Variants in ABCG2 observed in about 807,000 individuals in gnomAD.
The protein encoded by ABCG2 is ATP binding cassette subfamily G member 2 (JR blood group).
In ABCG2, 80 loss-of-function variants were observed where a neutral mutation model predicts 73.5. The ratio of observed to expected loss-of-function variants is 1.09; its 90% confidence interval spans 0.91 to 1.31. The LOEUF (loss-of-function observed/expected upper bound fraction) is 1.31. Ranked by LOEUF, ABCG2 falls within the 50% of genes most tolerant of loss-of-function variation. The probability of loss-of-function intolerance (pLI) is 0.00; values close to 1 mark genes in which losing one functional copy is unlikely to be tolerated. For synonymous variants in ABCG2, 269 were observed against 282.4 expected, an observed-to-expected ratio of 0.95 and a Z score of 0.48; for missense variants, 796 against 786.2, an observed-to-expected ratio of 1.01 and a Z score of -0.15.
At chr4:88,194,174 G>C (rs1728831802) in intron 1 of ABCG2, among the ~76,000 whole-genome samples, 1 of 152,112 alleles carries the variant, frequency 6.6e-6, no homozygotes, top group Non-Finnish European at 1.5e-5. Context: ...TGAAGCCCAG[G>C]GACTGGAGTT....
At chr4:88,128,745 G>A (rs996251572) in intron 5 of ABCG2, among the ~76,000 whole-genome samples, 7 of 152,108 alleles carry the variant, frequency 4.6e-5, no homozygotes, top group African/African-American at 1.4e-4. Flanking sequence ...CACAGGGAGT[G>A]GAACATCACA....
At chr4:88,209,309 C>CAAA (rs60027656) in intron 1 of ABCG2, among the ~76,000 whole-genome samples, 1 of 81,464 alleles carries the variant, frequency 1.2e-5, no homozygotes, top group Non-Finnish European at 2.4e-5. Flanking sequence ...GACTCCATCT[C>CAAA]AAAAAAAAAA....
chr4:88,131,980 T>G (rs1338022869), intron 3 of ABCG2, 63 bp from the exon 4 acceptor site: 6 of 1,223,598 alleles, frequency 4.9e-6, no homozygotes, highest in East Asian at 2.5e-5. Context: ...TGTTGTGGGG[T>G]TTTTTTCCCT....
At chr4:88,149,119 G>T (rs1326533766) in intron 1 of ABCG2, among the ~76,000 whole-genome samples, 3 of 152,182 alleles carry the variant, frequency 2.0e-5, no homozygotes, top group African/African-American at 7.2e-5. Context: ...TGAGGCTGAG[G>T]AAGGGGGATC....
At chr4:88,231,262 C>G (rs1346909661) in exon 1 of ABCG2, 1 of 152,168 alleles carries the variant, frequency 6.6e-6, no homozygotes, top group Non-Finnish European at 1.5e-5. Context: ...AGTAAACTAG[C>G]CTCGAGGAAA....
Position 88,193,434 on chromosome 4 carries a change from T to C in ABCG2, c.-20+37560A>G, listed in dbSNP as rs1023573864. 6.3e-4 allele frequency among the ~76,000 whole-genome samples: 96 copies of C among 152,174 alleles called. 1 individual carries two copies. The highest frequency in any genetic ancestry group is 2.2e-3 in the African/African-American group (92 of 41,454). On this transcript the variant is annotated intron_variant, in intron 1 of 15. Coordinates refer to the ABCG2 transcript ENST00000515655. ...AGGTTTTTGTGCTAAAAATACTGTT[T>C]TCACTGTATAATTTCCTGATAAGCA...
At chr4:88,129,839 A>G (rs1048992137) in intron 5 of ABCG2, among the ~76,000 whole-genome samples, 1 of 152,216 alleles carries the variant, frequency 6.6e-6, no homozygotes, top group Non-Finnish European at 1.5e-5. Context: ...AATCAATTGT[A>G]AAGTTCATTC....
chr4:88,229,873 T>A (rs1730382375), intron 1 of ABCG2, among the ~76,000 whole-genome samples: 1 of 152,122 alleles, frequency 6.6e-6, no homozygotes, highest in Non-Finnish European at 1.5e-5. Context: ...AAATACATTC[T>A]ATTCCCTATG....
At chr4:88,147,610 C>T (rs1726147684) in intron 1 of ABCG2, among the ~76,000 whole-genome samples, 1 of 152,190 alleles carries the variant, frequency 6.6e-6, no homozygotes, top group Non-Finnish European at 1.5e-5. Context: ...TCTTCAGACT[C>T]TGTTCTCAAT....
chr4:88,191,110 T>G (rs982063806), intron 1 of ABCG2, among the ~76,000 whole-genome samples: 3 of 150,338 alleles, frequency 2.0e-5, no homozygotes, highest in African/African-American at 7.3e-5. Context: ...CCAGGCATTG[T>G]GGAGGGTGCC....
chr4:88,181,879 C>A (rs746308387), intron 1 of ABCG2, among the ~76,000 whole-genome samples: 2 of 151,626 alleles, frequency 1.3e-5, no homozygotes, highest in Non-Finnish European at 2.9e-5. Context: ...AAAAAAACAA[C>A]CACCACCATA....
intron 1 of ABCG2, among the ~76,000 whole-genome samples, chr4:88,151,426 C>T (rs1273485561): frequency 6.6e-6 from 1 of 152,166 alleles, no homozygotes; most frequent in East Asian, 1.9e-4. Flanking sequence ...ATAATTCAAT[C>T]ATCGGAATTG....
intron 1 of ABCG2, among the ~76,000 whole-genome samples, chr4:88,210,146 T>TA (rs1729534260): frequency 6.6e-6 from 1 of 151,940 alleles, no homozygotes; most frequent in South Asian, 2.1e-4. Context: ...TTGAATTAGA[T>TA]ATAATTAGGT....
At chr4:88,169,279 C>T (rs1346693590) in intron 1 of ABCG2, among the ~76,000 whole-genome samples, 6 of 152,134 alleles carry the variant, frequency 3.9e-5, no homozygotes, top group African/African-American at 1.4e-4. Context: ...CTCCTGACCT[C>T]ATGATCCACC....
At chr4:88,118,659 T>C (rs1036112683) in intron 6 of ABCG2, among the ~76,000 whole-genome samples, 6 of 152,246 alleles carry the variant, frequency 3.9e-5, no homozygotes, top group African/African-American at 1.4e-4. Flanking sequence ...AATGGTCATA[T>C]ATCTCATTCT....
chr4:88,217,570 G>A (rs116693209), intron 1 of ABCG2, among the ~76,000 whole-genome samples: 371 of 152,102 alleles, frequency 2.4e-3, no homozygotes, highest in Non-Finnish European at 4.2e-3. Context: ...GCTCAGGAGG[G>A]AGAATTGCTT....
chr4:88,215,641 AGTAGTAACTTCACTGTTAGGGACAACATG>A (rs1243283944), intron 1 of ABCG2, among the ~76,000 whole-genome samples: 1 of 152,248 alleles, frequency 6.6e-6, no homozygotes, highest in Admixed American at 6.5e-5. Flanking sequence ...TCAAAGGCCA[AGTAGTAACTTCACTGTTAGGGACAACATG>A]GTGCAACTAC....
intron 10 of ABCG2, among the ~76,000 whole-genome samples, chr4:88,103,223 G>A (rs1338295247): frequency 6.6e-6 from 1 of 152,186 alleles, no homozygotes; most frequent in Non-Finnish European, 1.5e-5. Flanking sequence ...ACATAGCAAA[G>A]ATTCAATTCA....
intron 1 of ABCG2, among the ~76,000 whole-genome samples, chr4:88,169,435 A>T (rs1027689138): frequency 2.0e-4 from 31 of 152,278 alleles, no homozygotes; most frequent in Non-Finnish European, 2.9e-5. Context: ...AGGCTTATTC[A>T]TTCTTATCTT....
Sources: gnomAD v4.1 joint callset for allele counts (sites outside exome capture counted in the v4.1 genomes callset) on GRCh38, gnomAD v4.1.1 for gene constraint, MANE v1.5 for transcripts, NCBI Gene and HGNC (gene_info 2026-07-23, HGNC 2026-07-21) for gene names.